Variants in RBL1 observed in about 807,000 individuals in gnomAD.
RBL1 encodes RB transcriptional corepressor like 1, also known as retinoblastoma-like protein 1.
Under a neutral mutation model 123.0 loss-of-function variants are expected in RBL1, and 82 were observed. The ratio of observed to expected loss-of-function variants is 0.67; its 90% CI spans 0.56 to 0.80. RBL1 has a LOEUF of 0.80. Ranked by LOEUF, RBL1 falls within the 30% of genes least tolerant of loss-of-function variation. RBL1 has a pLI of 0.00. For synonymous variants in RBL1, 405 were observed against 441.3 expected, an observed-to-expected ratio of 0.92 and a Z score of 1.03; for missense variants, 1,171 against 1,299.6, an observed-to-expected ratio of 0.90 and a Z score of 1.52.
chr20:37,088,848 G>A (rs146214295), intron 2 of RBL1, 141 bp downstream of exon 2: 68 of 489,694 alleles, frequency 1.4e-4, no homozygotes, highest in African/African-American at 1.3e-3. Context: ...GGCTGGCACA[G>A]TGAGACTGCG....
chr20:37,030,752 G>A (rs1416985158), intron 16 of RBL1, among the ~76,000 whole-genome samples: 1 of 152,018 alleles, frequency 6.6e-6, no homozygotes, highest in Non-Finnish European at 1.5e-5. Context: ...CTACTCAGGA[G>A]GCTGAGAAAG....
At position 37,005,685 on chromosome 20, in the gene RBL1, G is replaced by A. The variant is rs111493100; in HGVS notation, c.2871+1726C>T. ...TGTATAATGGAAATAAATTAAGATGGTAGAGATATTCCGAGTATAGCACAT... is the reference window on the plus strand; with the variant it reads ...TGTATAATGGAAATAAATTAAGATGATAGAGATATTCCGAGTATAGCACAT... On this transcript the variant is annotated intron_variant, in intron 20 of 21. Coordinates refer to ENST00000373664, the MANE Select transcript of RBL1 (RefSeq NM_002895.5). Among the ~76,000 whole-genome samples the A allele has an allele frequency of 4.1e-3, 618 of 152,218 alleles. 8 individuals are homozygous for A. Among genetic ancestry groups the A allele is most frequent in the African/African-American group, 0.014 (594 of 41,530 alleles).
intron 2 of RBL1, among the ~76,000 whole-genome samples, chr20:37,069,280 C>A (rs1302820979): frequency 1.3e-5 from 2 of 152,134 alleles, no homozygotes; most frequent in Non-Finnish European, 2.9e-5. Flanking sequence ...AAGTGAGGAG[C>A]GTCTCTGCCT....
At chr20:37,018,416 A>G (rs754533921) in intron 18 of RBL1, 47 bp from the exon 19 acceptor site, 6 of 1,545,462 alleles carry the variant, frequency 3.9e-6, no homozygotes, top group Non-Finnish European at 5.2e-6. Context: ...ACAGAGGTAC[A>G]GGTTAAACAA....
rs1331250740 is a variant in RBL1, at chr20:37,068,177, T to C, written c.300A>G (p.Gln100=). The change falls in exon 3 of 22, where the codon CAA becomes CAG. Residue 100 remains glutamine, a synonymous_variant. Transcript: ENST00000373664. ...TCCATTTCTTCATTTTACTAAAAAA[T>C]TGTATTAAACTAAAAAAAAAAAGGA... ...ILRSAKLSLI[Q]FFSKMKKWMD... The C allele has an allele frequency of 2.5e-6, 4 of 1,570,808 alleles. No individual in the cohort carries two copies. Among genetic ancestry groups the C allele is most frequent in the South Asian group, 2.4e-5 (2 of 83,670 alleles).
chr20:37,054,482 T>C (rs1323802912), intron 11 of RBL1, among the ~76,000 whole-genome samples: 1 of 151,020 alleles, frequency 6.6e-6, no homozygotes, highest in East Asian at 1.9e-4. Context: ...AGACTACATC[T>C]AAAAAAATAA....
chr20:37,020,665 A>G lies in RBL1; in HGVS notation c.2625T>C (p.Asn875=), dbSNP rs375965346. The G allele has an allele frequency of 1.5e-5, 23 of 1,579,850 alleles. No homozygotes were observed. Among genetic ancestry groups the G allele is most frequent in the African/African-American group, 2.7e-5 (2 of 74,110 alleles). Residue 875 remains asparagine (N), a synonymous_variant, in exon 18 of 22, where the codon AAT becomes AAC. Coordinates refer to ENST00000373664, the MANE Select transcript of RBL1 (RefSeq NM_002895.5). ...MKSYRNQPQA[N]SHVYRSVLLK... ...GAAAAATAATGTAACTCACGTGACT[A>G]TTAGCTTGGGGCTGATTCCTATAAC... is the stretch of plus-strand genomic sequence containing the variant.
Position 37,033,923 on chromosome 20 carries a change from G to A in RBL1, c.2171-1047C>T, listed in dbSNP as rs999633499. On this transcript the variant is annotated intron_variant, in intron 15 of 21. Coordinates refer to ENST00000373664, the MANE Select transcript of RBL1 (RefSeq NM_002895.5). ...TGAGCCACTGTGCCTGGCGCCCCCC[G>A]GGCCCCCTTTTTTTTTTCTTTTTCT... Among the ~76,000 whole-genome samples, 9 of 150,356 alleles carry A rather than the reference G, an allele frequency of 6.0e-5. No individual in the cohort carries two copies. The South Asian group carries it at 8.4e-4, about 14-fold the overall frequency.
At chr20:37,020,058 A>G (rs932072000) in intron 18 of RBL1, among the ~76,000 whole-genome samples, 2 of 151,306 alleles carry the variant, frequency 1.3e-5, no homozygotes. Context: ...AAGTCATATA[A>G]TTAAAGAATA....
rs1015873494 is a variant in RBL1, at chr20:37,088,422, G to A, written c.290+567C>T. Among the ~76,000 whole-genome samples, 8 of 152,100 alleles carry A rather than the reference G, an allele frequency of 5.3e-5. No individual in the cohort carries two copies. In the East Asian group the frequency reaches 1.5e-3, roughly 29 times the overall value. On this transcript the variant is annotated intron_variant, in intron 2 of 21. Coordinates refer to ENST00000373664, the MANE Select transcript of RBL1 (RefSeq NM_002895.5). ...TCTTATTTTTGTAACTTCTCTGTAA[G>A]CCTAAAATTATTTCCAAATTTTAAA...
chr20:37,085,002 G>C (rs1462193740), intron 2 of RBL1, among the ~76,000 whole-genome samples: 2 of 152,170 alleles, frequency 1.3e-5, no homozygotes, highest in Non-Finnish European at 2.9e-5. Context: ...CTGACCCCAG[G>C]TGATCCGCCC....
chr20:37,020,261 G>T (rs1444338920), intron 18 of RBL1, among the ~76,000 whole-genome samples: 3 of 151,818 alleles, frequency 2.0e-5, no homozygotes, highest in African/African-American at 7.3e-5. Flanking sequence ...GCTAATTTTT[G>T]TATTTTTAGT....
At chr20:37,023,017 T>C (rs1029110549) in intron 16 of RBL1, among the ~76,000 whole-genome samples, 191 bp from the exon 17 acceptor site, 1 of 152,166 alleles carries the variant, frequency 6.6e-6, no homozygotes, top group Non-Finnish European at 1.5e-5. Context: ...CTTGAAAAAA[T>C]TTTTTAAAGA....
intron 2 of RBL1, among the ~76,000 whole-genome samples, chr20:37,074,581 G>A (rs1175682436): frequency 3.3e-5 from 5 of 152,108 alleles, no homozygotes; most frequent in Non-Finnish European, 5.9e-5. Context: ...GCAAGAATGT[G>A]GAGAAACTGG....
At chr20:37,035,676 G>A (rs2064599363) in intron 14 of RBL1, among the ~76,000 whole-genome samples, 168 bp from the exon 15 acceptor site, 1 of 152,202 alleles carries the variant, frequency 6.6e-6, no homozygotes, top group Non-Finnish European at 1.5e-5. Context: ...AAAGAGGCAT[G>A]AAATAAGTCA....
chr20:37,019,002 C>T (rs1485130153), intron 18 of RBL1, among the ~76,000 whole-genome samples: 1 of 151,942 alleles, frequency 6.6e-6, no homozygotes, highest in Non-Finnish European at 1.5e-5. Flanking sequence ...GAATTAATTC[C>T]TCCTTCTTCT....
chr20:37,003,809 G>C lies in RBL1; in HGVS notation c.2929C>G (p.Arg977Gly), dbSNP rs149409083. 1.9e-6 allele frequency: 3 copies of C among 1,613,858 alleles called. No homozygotes were observed. The highest frequency in any genetic ancestry group is 2.2e-5 in the South Asian group (2 of 91,074). The change falls in exon 21 of 22, where the codon CGC becomes GGC. Residue 977 changes from arginine to glycine, a missense_variant. Arg to Gly is a moderately radical substitution (Grantham distance 125). Transcript: ENST00000373664. The stretch of plus-strand genomic sequence containing the variant: ...ATGGAGTGCTGCTGGGAAATGCGGC[G>C]TGGTGAGCCTGGCTGTTGTTTAATA... ...PHIKQQPGSP[R>G]RISQQHSIYI... is the part of the protein sequence containing the mutation.
At chr20:37,009,029 C>CT (rs541774638) in intron 19 of RBL1, among the ~76,000 whole-genome samples, 250 of 146,144 alleles carry the variant, frequency 1.7e-3, no homozygotes, top group Middle Eastern at 0.011. Context: ...CCCCAAAACA[C>CT]TTTTTTTTTT....
intron 19 of RBL1, among the ~76,000 whole-genome samples, chr20:37,018,009 A>C (rs2064284318): frequency 1.3e-5 from 2 of 152,102 alleles, no homozygotes; most frequent in Admixed American, 1.3e-4. Flanking sequence ...CAGATTTTAG[A>C]ATTTTATTAA....
Sources: allele counts gnomAD v4.1 joint callset (sites outside exome capture counted in the v4.1 genomes callset), GRCh38; gene constraint gnomAD v4.1.1; transcripts MANE v1.5; gene names NCBI Gene and HGNC (gene_info 2026-07-23, HGNC 2026-07-21).